Variants in ZNF814 observed in about 807,000 individuals in gnomAD.
The protein encoded by ZNF814 is zinc finger protein 814.
A neutral mutation model predicts 7.5 loss-of-function variants in ZNF814; 5 were observed. The ratio of observed to expected loss-of-function variants is 0.67; its 90% CI spans 0.35 to 1.40. The LOEUF is 1.40. ZNF814 is among the 40% of genes most tolerant of loss of function. The pLI, the probability that ZNF814 is intolerant of heterozygous loss-of-function variation, is 0.04. For synonymous variants in ZNF814, 315 were observed against 340.7 expected (o/e 0.92, Z 0.83); for missense variants, 962 against 1,018.0 (o/e 0.94, Z 0.75).
In ZNF814 at chr19:57,873,323, T is replaced by C. The variant is rs2122419090; in HGVS notation, c.2067A>G (p.Val689=). The C allele has an allele frequency of 6.3e-7, 1 of 1,590,178 alleles. No individual in the cohort carries two copies. Among genetic ancestry groups the C allele is most frequent in the Non-Finnish European group, 8.6e-7 (1 of 1,167,726 alleles). ...TAAATAATTTTCCACATTCCCTACA[T>C]ACATAAGGTCTTTCTCCAGTATGGC... ...QHGHTGERPY[V]CRECGKLFKK... is the part of the protein sequence containing the mutation. Residue 689 remains valine, a synonymous_variant, in exon 3 of 3, where the codon GTA becomes GTG. Transcript: ENST00000435989.
chr19:57,898,957 A>G, the ZNF814 span, among the ~76,000 whole-genome samples: 2 of 150,426 alleles, frequency 1.3e-5, no homozygotes, highest in African/African-American at 2.5e-5. Flanking sequence ...AAAAAAAAAA[A>G]GAAAAGAAAA....
At chr19:57,878,214 A>T (rs2071623294) in intron 1 of ZNF814, among the ~76,000 whole-genome samples, 1 of 150,842 alleles carries the variant, frequency 6.6e-6, no homozygotes, top group Non-Finnish European at 1.5e-5. Context: ...GCCTGATAAG[A>T]GGGACACCAC....
Position 57,873,342 on chromosome 19 carries a change from G to C in ZNF814, c.2048C>G (p.Thr683Ser), listed in dbSNP as rs1170324750. ...CCTACATACATAAGGTCTTTCTCCA[G>C]TATGGCCATGCTGGTGTAGAATGAG... ...GNLILHQHGH[T>S]GERPYVCREC... The change falls in exon 3 of 3, where the codon ACT (threonine) becomes AGT (serine). Residue 683 changes from threonine (T) to serine (S), a missense_variant. By Grantham distance (58) the Thr-to-Ser change is moderately conservative. Coordinates refer to ENST00000435989, the MANE Select transcript of ZNF814 (RefSeq NM_001144989.2). The C allele has an allele frequency of 1.1e-5, 17 of 1,594,446 alleles. No individual in the cohort carries two copies. Among genetic ancestry groups the C allele is most frequent in the Non-Finnish European group, 1.5e-5 (17 of 1,170,144 alleles).
At chr19:57,900,091 G>A in the ZNF814 span, among the ~76,000 whole-genome samples, 1 of 152,116 alleles carries the variant, frequency 6.6e-6, no homozygotes, top group Admixed American at 6.5e-5. Flanking sequence ...CCCTAATGAA[G>A]GGGCCATTAC....
chr19:57,887,460 G>A (rs954107763), intron 1 of ZNF814, among the ~76,000 whole-genome samples: 18 of 152,162 alleles, frequency 1.2e-4, no homozygotes, highest in African/African-American at 4.3e-4. Flanking sequence ...CATAACGTTT[G>A]CTCCTATATC....
rs753840071 is a variant in ZNF814 at position 57,874,054 on chromosome 19, T to C, written c.1336A>G (p.Ser446Gly). The C allele has an allele frequency of 6.2e-7, 1 of 1,610,444 alleles. No individual in the cohort carries two copies. The highest frequency in any genetic ancestry group is 1.3e-5 in the African/African-American group (1 of 74,786). Residue 446 changes from serine (S) to glycine (G), a missense_variant, in exon 3 of 3, where the codon AGT (serine) becomes GGT (glycine). Physicochemically the swap from Ser to Gly is moderately conservative, Grantham distance 56 (BLOSUM62 0). This residue lies in a region of ZNF814 where 665 missense variants were observed against 551.4 expected (regional missense o/e 1.21). Transcript: ENST00000435989. ...YGCEECGKSF[S>G]SEGHLRSHQR... ...TGGCTCCTAAGATGTCCTTCTGAAC[T>C]AAAAGATTTCCCACATTCTTCACAC...
chr19:57,900,479 T>C, the ZNF814 span: 1 of 152,172 alleles, frequency 6.6e-6, no homozygotes, highest in Non-Finnish European at 1.5e-5. Flanking sequence ...TAACCCATCT[T>C]AATGCTGCAG....
intron 1 of ZNF814, among the ~76,000 whole-genome samples, chr19:57,880,115 A>C (rs1264144311): frequency 3.8e-4 from 47 of 124,436 alleles, no homozygotes; most frequent in Non-Finnish European, 6.8e-4. Context: ...AAAAGCAAAA[A>C]CAAAAAACCC....
chr19:57,872,553 C>T lies in ZNF814; in HGVS notation c.*269G>A, dbSNP rs4801239. On this transcript the variant is annotated 3_prime_UTR_variant, in exon 3 of 3. Transcript: ENST00000435989. ...GAAAAGACCTTCAGGTAACTTTTTT[C>T]CCACATTTGCTGCAATCACAAGACC... The T allele has an allele frequency of 0.82, 710,709 of 865,872 alleles. 291,972 individuals carry two copies. The highest frequency in any genetic ancestry group is 0.86 in the African/African-American group (51,304 of 59,460). The allele number at this position is 865,872 out of a possible 1,614,324, so 53.6% of individuals were successfully genotyped here.
chr19:57,876,986 G>A lies in ZNF814; in HGVS notation c.93C>T (p.Leu31=), dbSNP rs1175937197. 2 of 1,613,976 alleles carry A rather than the reference G, an allele frequency of 1.2e-6. No homozygotes were observed. Among genetic ancestry groups the A allele is most frequent in the African/African-American group, 1.3e-5 (1 of 74,878 alleles). ...AVNFTWEEWN[L]LSEAQRCLYR... ...ACAGGCATCTCTGAGCCTCACTAAG[G>A]AGATTCCATTCCTCCCAGGTAAAGT... The change falls in exon 2 of 3, where the codon CTC becomes CTT. Residue 31 remains leucine (L), a synonymous_variant. Transcript: ENST00000435989.
rs780363060 is a variant in ZNF814, at chr19:57,876,940, T to C, written c.139A>G (p.Asn47Asp). The change falls in exon 2 of 3, where the codon AAC becomes GAC. Residue 47 changes from asparagine to aspartate, a missense_variant. Physicochemically the swap from Asn to Asp is conservative, Grantham distance 23. Transcript: ENST00000435989. Reference protein sequence around the residue: ...RCLYRDVTLENLALISSLGCW... With the variant: ...RCLYRDVTLEDLALISSLGCW... Reference sequence around the variant, plus strand: ...CCCAGGGAGGATATAAGTGCCAGGTTCTCCAGCGTCACATCACGGTACAGG... The same window carrying C: ...CCCAGGGAGGATATAAGTGCCAGGTCCTCCAGCGTCACATCACGGTACAGG... 2 of 1,614,084 alleles carry C rather than the reference T, an allele frequency of 1.2e-6. No homozygotes were observed. Among genetic ancestry groups the C allele is most frequent in the South Asian group, 2.2e-5 (2 of 91,078 alleles).
intron 1 of ZNF814, 150 bp from the exon 2 acceptor site, chr19:57,877,192 C>T (rs1442624267): frequency 1.6e-6 from 2 of 1,232,476 alleles, no homozygotes; most frequent in Non-Finnish European, 2.3e-6. Context: ...GGTATAGCCA[C>T]CAACAATAGT....
At chr19:57,883,189 T>C (rs1463112255) in intron 1 of ZNF814, among the ~76,000 whole-genome samples, 1 of 151,680 alleles carries the variant, frequency 6.6e-6, no homozygotes, top group Non-Finnish European at 1.5e-5. Flanking sequence ...AAACCCCATC[T>C]GTACTAAAAA....
chr19:57,900,288 T>C, the ZNF814 span: 1 of 152,212 alleles, frequency 6.6e-6, no homozygotes, highest in African/African-American at 2.4e-5. Context: ...TCACACAAAA[T>C]ATTGATGAAC....
upstream of ZNF814, among the ~76,000 whole-genome samples, chr19:57,890,382 G>C (rs1274639673): frequency 6.6e-6 from 1 of 152,088 alleles, no homozygotes; most frequent in African/African-American, 2.4e-5. Context: ...TTCTGAGACA[G>C]AATTTTGCTC....
In ZNF814 at chr19:57,873,927, C is replaced by G; in HGVS notation, c.1463G>C (p.Gly488Ala). ...SLVHHQRVHS[G>A]ERPYQCGECG... The stretch of plus-strand genomic sequence containing the variant: ...TTCTCCACACTGATAAGGTCTTTCT[C>G]CACTGTGAACTCGCTGATGGTGAAC... The change falls in exon 3 of 3, where the codon GGA becomes GCA. Residue 488 changes from glycine (G) to alanine (A), a missense_variant. Physicochemically the swap from Gly to Ala is moderately conservative, Grantham distance 60 (BLOSUM62 0). Around this residue, in one of 7 missense-constraint regions of ZNF814, gnomAD observed 665 missense variants for 551.4 expected, o/e 1.21. Coordinates refer to ENST00000435989, the MANE Select transcript of ZNF814 (RefSeq NM_001144989.2). 1 of 1,613,532 alleles carries G rather than the reference C, an allele frequency of 6.2e-7. No individual in the cohort carries two copies. The highest frequency in any genetic ancestry group is 8.5e-7 in the Non-Finnish European group (1 of 1,179,826).
intron 1 of ZNF814, chr19:57,885,975 C>T (rs371854770): frequency 7.8e-6 from 1 of 128,664 alleles, no homozygotes; most frequent in African/African-American, 2.9e-5. Flanking sequence ...GACTCCTTCT[C>T]AAAAAAAAAA....
In ZNF814 at chr19:57,888,943, G is replaced by C. The variant is rs1016104593; in HGVS notation, c.-141C>G. 4 of 867,386 alleles carry C rather than the reference G, an allele frequency of 4.6e-6. No homozygotes were observed. The African/African-American group carries it at 6.8e-5, about 15-fold the overall frequency. The allele number at this position is 867,386 out of a possible 1,614,324, so 53.7% of individuals were successfully genotyped here. On this transcript the variant is annotated 5_prime_UTR_variant, in exon 1 of 3. Coordinates refer to ENST00000435989, the MANE Select transcript of ZNF814 (RefSeq NM_001144989.2). Reference sequence around the variant, plus strand: ...TCCAGAGTAGCCTCTGTGCAGCGGAGGACAACTGCTCCCCGACTTCTGGGT... The same window carrying C: ...TCCAGAGTAGCCTCTGTGCAGCGGACGACAACTGCTCCCCGACTTCTGGGT...
chr19:57,893,787 G>A (rs976736620), upstream of ZNF814, among the ~76,000 whole-genome samples: 1 of 151,720 alleles, frequency 6.6e-6, no homozygotes, highest in African/African-American at 2.4e-5. Flanking sequence ...GGGTGTGGTG[G>A]TGCATGCATG....
Sources: allele counts gnomAD v4.1 joint callset (sites outside exome capture counted in the v4.1 genomes callset), GRCh38; gene constraint gnomAD v4.1.1; regional missense constraint gnomAD v4.1.1; transcripts MANE v1.5; gene names NCBI Gene and HGNC (gene_info 2026-07-23, HGNC 2026-07-21).